Variants in GPR78 observed in about 807,000 individuals in gnomAD.
The protein encoded by GPR78 is G protein-coupled receptor 78.
A neutral mutation model predicts 17.9 loss-of-function variants in GPR78; 29 were observed. The ratio of observed to expected loss-of-function variants is 1.62; its 90% confidence interval spans 1.20 to 2.21. The LOEUF (loss-of-function observed/expected upper bound fraction) is 2.21. Among genes scored for constraint, GPR78 ranks in the 30% most tolerant of loss-of-function variants. The pLI is 0.00. For synonymous variants in GPR78, 349 were observed against 256.9 expected (o/e 1.36, Z -3.43); for missense variants, 649 against 530.5 (o/e 1.22, Z -2.19).
At chr4:8,583,231 T>C (rs1416079430) in intron 2 of GPR78, among the ~76,000 whole-genome samples, 1 of 152,200 alleles carries the variant, frequency 6.6e-6, no homozygotes, top group African/African-American at 2.4e-5. Flanking sequence ...CCGGGGTTCC[T>C]GGGTCACCCA....
rs567289065 is a variant in GPR78 at position 8,580,745 on chromosome 4, T to A, written c.-238T>A. ...ACCCTGGACAGCACCGCGGTTGCGCTGCCTCCAGGGCGGCCCCGGGCTGCT... is the reference window on the plus strand; with the variant it reads ...ACCCTGGACAGCACCGCGGTTGCGCAGCCTCCAGGGCGGCCCCGGGCTGCT... On this transcript the variant is annotated 5_prime_UTR_variant, in exon 1 of 3. Transcript: ENST00000382487. 1 of 553,452 alleles carries A rather than the reference T, an allele frequency of 1.8e-6. No homozygotes were observed. Among genetic ancestry groups the A allele is most frequent in the East Asian group, 3.1e-5 (1 of 31,948 alleles). 34.3% of individuals were successfully genotyped at this position (553,452 alleles called of 1,614,324 possible). A position where few individuals can be genotyped will look rare whatever the true frequency, so the allele number is the denominator to read the frequency against.
Position 8,580,989 on chromosome 4 carries a change from C to G in GPR78, c.7C>G (p.Pro3Ala), listed in dbSNP as rs1172838212. Residue 3 changes from proline to alanine, a missense_variant, in exon 1 of 3, where the codon CCC (proline) becomes GCC (alanine). Transcript: ENST00000382487. MG[P>A]GEALLAGLLV... ...CTGGCGAGCCGCTAGCGCCATGGGCCCCGGCGAGGCGCTGCTGGCGGGTCT... is the reference window on the plus strand; with the variant it reads ...CTGGCGAGCCGCTAGCGCCATGGGCGCCGGCGAGGCGCTGCTGGCGGGTCT... The G allele has an allele frequency of 1.0e-5, 16 of 1,582,522 alleles. No homozygotes were observed. In the Admixed American group the frequency reaches 2.8e-4, roughly 27 times the overall value.
intron 2 of GPR78, among the ~76,000 whole-genome samples, chr4:8,585,284 G>A (rs1362369881): frequency 6.6e-6 from 1 of 152,174 alleles, no homozygotes; most frequent in Non-Finnish European, 1.5e-5. Flanking sequence ...TGATACATGA[G>A]TTCTGGTCCC....
rs892782234 is a variant in GPR78 at position 8,587,731 on chromosome 4, G to C, written c.*368G>C. On this transcript the variant is annotated 3_prime_UTR_variant, in exon 3 of 3. Transcript: ENST00000382487. ...GCTATAAGTGACTGCTGTTCATGTG[G>C]GTGAGGTGGTCACTCTTGCTCAGGG... The C allele has an allele frequency of 2.3e-5, 7 of 309,744 alleles. No homozygotes were observed. Among genetic ancestry groups the C allele is most frequent in the Admixed American group, 4.6e-5 (1 of 21,542 alleles). 19.2% of individuals were successfully genotyped at this position (309,744 alleles called of 1,614,324 possible).
Position 8,580,881 on chromosome 4 carries a change from C to T in GPR78, c.-102C>T, listed in dbSNP as rs897561987. On this transcript the variant is annotated 5_prime_UTR_variant, in exon 1 of 3. Coordinates refer to ENST00000382487, the MANE Select transcript of GPR78 (RefSeq NM_080819.5). ...TAGCCGGCTCTGCACCTCCCAGAAG[C>T]CGTGGGCGCGCCGCTCAGCTGCTCC... is the stretch of plus-strand genomic sequence containing the variant. 13 of 1,151,908 alleles carry T rather than the reference C, an allele frequency of 1.1e-5. No individual in the cohort carries two copies. Among genetic ancestry groups the T allele is most frequent in the Non-Finnish European group, 1.5e-5 (13 of 840,090 alleles). The allele number at this position is 1,151,908 out of a possible 1,614,324, so 71.4% of individuals were successfully genotyped here.
In GPR78 at chr4:8,587,165, C is replaced by A; in HGVS notation, c.894C>A (p.Arg298=). The change falls in exon 3 of 3, where the codon CGC becomes CGA. Residue 298 remains arginine, a synonymous_variant. Coordinates refer to ENST00000382487, the MANE Select transcript of GPR78 (RefSeq NM_080819.5). The part of the protein sequence containing the change: ...VADPFTYSLL[R]RPFRQVLAGM... ...ACCCGTTCACGTACTCTCTGCTCCGCCGGCCGTTCCGCCAAGTCCTGGCCG... is the reference window on the plus strand; with the variant it reads ...ACCCGTTCACGTACTCTCTGCTCCGACGGCCGTTCCGCCAAGTCCTGGCCG... 1 of 1,613,416 alleles carries A rather than the reference C, an allele frequency of 6.2e-7. No individual in the cohort carries two copies. Among genetic ancestry groups the A allele is most frequent in the Non-Finnish European group, 8.5e-7 (1 of 1,180,018 alleles).
In GPR78 at chr4:8,582,661, C is replaced by T. The variant is rs552546058; in HGVS notation, c.782+17C>T. 38 of 1,528,484 alleles carry T rather than the reference C, an allele frequency of 2.5e-5. No individual in the cohort carries two copies. In the East Asian group the frequency reaches 3.6e-4, roughly 14 times the overall value. 94.7% of individuals were successfully genotyped at this position (1,528,484 alleles called of 1,614,324 possible). A position where few individuals can be genotyped will look rare whatever the true frequency, so the allele number is the denominator to read the frequency against. ...CATGACCAGGTGGGTCCTGGCAGTC[C>T]GGCTCCTGTTGTGGGAACAGCTGGG... is the stretch of plus-strand genomic sequence containing the variant. On this transcript the variant is annotated intron_variant, in intron 2 of 2. Transcript: ENST00000382487.
intron 2 of GPR78, among the ~76,000 whole-genome samples, chr4:8,586,415 A>C (rs13141332): frequency 6.6e-6 from 1 of 152,026 alleles, no homozygotes; most frequent in Non-Finnish European, 1.5e-5. Flanking sequence ...GCTTCGGGAC[A>C]GTGGGTAGGG....
chr4:8,586,462 C>A (rs72488944), intron 2 of GPR78, among the ~76,000 whole-genome samples: 3,780 of 152,272 alleles, frequency 0.025, 103 homozygotes, highest in East Asian at 0.15. Flanking sequence ...CGTGGACATC[C>A]TGTGAGTGAC....
intron 2 of GPR78, among the ~76,000 whole-genome samples, chr4:8,585,823 G>C (rs930616769): frequency 3.9e-5 from 6 of 152,168 alleles, no homozygotes; most frequent in Non-Finnish European, 7.3e-5. Context: ...CGCCGGACTG[G>C]GTGCCTCGGA....
At position 8,581,355 on chromosome 4, in the gene GPR78, C is replaced by A. The variant is rs748915962; in HGVS notation, c.373C>A (p.Leu125Met). 45 of 1,579,750 alleles carry A rather than the reference C, an allele frequency of 2.8e-5. No individual in the cohort carries two copies. Among genetic ancestry groups the A allele is most frequent in the Non-Finnish European group, 3.8e-5 (45 of 1,168,976 alleles). The change falls in exon 1 of 3, where the codon CTG becomes ATG. Residue 125 changes from leucine (L) to methionine (M), a missense_variant. Leu to Met is a conservative substitution (Grantham distance 15). Transcript: ENST00000382487. ...AGRLRPRYAG[L>M]LLGCAWGQSL... ...ACGCCTGCGACCGCGCTATGCCGGC[C>A]TGCTGCTGGGCTGTGCCTGGGGACA...
rs1414285043 is a variant in GPR78 at position 8,587,314 on chromosome 4, A to G, written c.1043A>G (p.Asn348Ser). The G allele has an allele frequency of 1.2e-6, 2 of 1,613,020 alleles. No individual in the cohort carries two copies. Among genetic ancestry groups the G allele is most frequent in the Non-Finnish European group, 1.7e-6 (2 of 1,179,942 alleles). ...KRTPRPASTHNGSVDTENDSC... is the reference protein window; with the variant it reads ...KRTPRPASTHSGSVDTENDSC... ...ACCCCGCGCCCAGCGTCCACCCACA[A>G]CGGCTCTGTGGACACAGAGAATGAT... Residue 348 changes from asparagine to serine, a missense_variant, in exon 3 of 3, where the codon AAC (asparagine) becomes AGC (serine). By Grantham distance (46) the Asn-to-Ser change is conservative. Transcript: ENST00000382487.
chr4:8,587,743 A>C lies in GPR78; in HGVS notation c.*380A>C. The stretch of plus-strand genomic sequence containing the variant: ...TGCTGTTCATGTGGGTGAGGTGGTC[A>C]CTCTTGCTCAGGGTCTGTTGTGCAG... On this transcript the variant is annotated 3_prime_UTR_variant, in exon 3 of 3. Transcript: ENST00000382487. 1 of 282,286 alleles carries C rather than the reference A, an allele frequency of 3.5e-6. No homozygotes were observed. 17.5% of individuals were successfully genotyped at this position (282,286 alleles called of 1,614,324 possible).
chr4:8,581,257 A>G lies in GPR78; in HGVS notation c.275A>G (p.Asn92Ser), dbSNP rs376898264. The change falls in exon 1 of 3, where the codon AAC becomes AGC. Residue 92 changes from asparagine (N) to serine (S), a missense_variant. Coordinates refer to ENST00000382487, the MANE Select transcript of GPR78 (RefSeq NM_080819.5). ...IGFLDTFLAS[N>S]AALSVAALSA... ...TTCCTGGACACCTTCCTGGCGTCCA[A>G]CGCGGCGCTGAGCGTGGCGGCGCTG... 18 of 1,592,000 alleles carry G rather than the reference A, an allele frequency of 1.1e-5. No homozygotes were observed. Among genetic ancestry groups the G allele is most frequent in the Middle Eastern group, 1.7e-4 (1 of 5,978 alleles).
In GPR78 at chr4:8,581,072, C is replaced by A. The variant is rs138084089; in HGVS notation, c.90C>A (p.Cys30Ter). ...LLSNALVLLC[C>*]AYSAELRTRA... The stretch of plus-strand genomic sequence containing the variant: ...CCAACGCACTGGTGCTGCTTTGTTG[C>A]GCCTACAGCGCTGAGCTCCGCACTC... Residue 30 changes from cysteine (C) to a stop codon, truncating the protein, a stop_gained, in exon 1 of 3, where the codon TGC (cysteine) becomes TGA (stop). Coordinates refer to ENST00000382487, the MANE Select transcript of GPR78 (RefSeq NM_080819.5). LOFTEE classifies it high-confidence loss of function. 2 of 1,605,806 alleles carry A rather than the reference C, an allele frequency of 1.2e-6. No homozygotes were observed. The highest frequency in any genetic ancestry group is 1.7e-6 in the Non-Finnish European group (2 of 1,178,924).
intron 2 of GPR78, among the ~76,000 whole-genome samples, chr4:8,584,933 T>C (rs116015125): frequency 0.045 from 6,813 of 152,378 alleles, 220 homozygotes; most frequent in Middle Eastern, 0.15. Flanking sequence ...GTTAGACTCT[T>C]CTGTGGACAT....
rs572850332 is a variant in GPR78 at position 8,587,268 on chromosome 4, G to T, written c.997G>T (p.Val333Leu). 2.5e-6 allele frequency: 4 copies of T among 1,597,896 alleles called. No homozygotes were observed. Among genetic ancestry groups the T allele is most frequent in the Admixed American group, 1.7e-5 (1 of 59,526 alleles). The change falls in exon 3 of 3, where the codon GTG (valine) becomes TTG (leucine). Residue 333 changes from valine to leucine, a missense_variant. By Grantham distance (32) the Val-to-Leu change is conservative (BLOSUM62 1). Transcript: ENST00000382487. ...HDSSLDVAGM[V>L]HQLLKRTPRP... is the part of the protein sequence containing the mutation. Reference sequence around the variant, plus strand: ...CAGCTCTCTGGATGTGGCCGGCATGGTGCACCAGCTGCTGAAGAGAACCCC... The same window carrying T: ...CAGCTCTCTGGATGTGGCCGGCATGTTGCACCAGCTGCTGAAGAGAACCCC...
rs1279280443 is a variant in GPR78, at chr4:8,589,895, C to A, written c.*2532C>A. ...GGCTCCCACACTGGGCTATCCCTTG[C>A]CTTAGGCTTGTGGCCTTTTTTTTTT... is the stretch of plus-strand genomic sequence containing the variant. On this transcript the variant is annotated 3_prime_UTR_variant, in exon 3 of 3. Transcript: ENST00000382487. Among the ~76,000 whole-genome samples the A allele has an allele frequency of 1.3e-5, 2 of 148,940 alleles. No homozygotes were observed. The highest frequency in any genetic ancestry group is 5.0e-5 in the African/African-American group (2 of 40,390).
rs938715166 is a variant in GPR78, at chr4:8,588,656, G to A, written c.*1293G>A. Among the ~76,000 whole-genome samples the A allele has an allele frequency of 6.6e-6, 1 of 152,214 alleles. No individual in the cohort carries two copies. The highest frequency in any genetic ancestry group is 1.5e-5 in the Non-Finnish European group (1 of 68,046). On this transcript the variant is annotated 3_prime_UTR_variant, in exon 3 of 3. Transcript: ENST00000382487. ...TGGGACTCTCTGATGGGCTTCAACC[G>A]TGGGCTCTTGCAGGCATGGAGCCTG...
Sources: allele counts gnomAD v4.1 joint callset (sites outside exome capture counted in the v4.1 genomes callset), GRCh38; gene constraint gnomAD v4.1.1; transcripts MANE v1.5; gene names NCBI Gene and HGNC (gene_info 2026-07-23, HGNC 2026-07-21).